The following ACY1 variants were observed in gnomAD, a reference collection of about 807,000 sequenced individuals.
ACY1 encodes aminoacylase 1, also known as aminoacylase-1.
Under a neutral mutation model 53.3 loss-of-function variants are expected in ACY1, and 38 were observed. The ratio of observed to expected loss-of-function variants is 0.71; its 90% CI spans 0.55 to 0.93. The LOEUF is 0.93. ACY1 is among the 40% of genes least tolerant of loss of function. The probability of loss-of-function intolerance (pLI) is 0.00; values close to 1 mark genes in which losing one functional copy is unlikely to be tolerated. For synonymous variants in ACY1, 177 were observed against 202.1 expected, an observed-to-expected ratio of 0.88 and a Z score of 1.05; for missense variants, 484 against 540.9, an observed-to-expected ratio of 0.89 and a Z score of 1.04.
At position 51,987,134 on chromosome 3, in the gene ACY1, C is replaced by T. The variant is rs764054877; in HGVS notation, c.658-13C>T. 10 of 1,614,078 alleles carry T rather than the reference C, an allele frequency of 6.2e-6. No individual in the cohort carries two copies. In the African/African-American group the frequency reaches 1.2e-4, roughly 19 times the overall value. On this transcript the variant is annotated splice_polypyrimidine_tract_variant and intron_variant, in intron 9 of 14. Coordinates refer to ENST00000636358, the MANE Select transcript of ACY1 (RefSeq NM_000666.3). ...CTGAGGCCACTGTCCCATTTAACCT[C>T]ATATTCTCATAGCACAAGGTTGTAA...
In ACY1 at chr3:51,988,970, C is replaced by A. The variant is rs1249587819; in HGVS notation, c.1122C>A (p.Asp374Glu). Residue 374 changes from aspartate to glutamate, a missense_variant, in exon 15 of 15, where the codon GAC (aspartate) becomes GAA (glutamate). Transcript: ENST00000636358. ...PMNRTPVLLH[D>E]HDERLHEAVF... The stretch of plus-strand genomic sequence containing the variant: ...ACCGCACACCTGTGCTGCTGCACGA[C>A]CACGATGAACGGCTGCATGAGGCTG... The A allele has an allele frequency of 6.2e-7, 1 of 1,614,182 alleles. No homozygotes were observed. Among genetic ancestry groups the A allele is most frequent in the Non-Finnish European group, 8.5e-7 (1 of 1,180,032 alleles).
In ACY1 at chr3:51,989,146, C is replaced by G. The variant is rs1701181951; in HGVS notation, c.*71C>G. 6.3e-7 allele frequency: 1 copy of G among 1,587,234 alleles called. No individual in the cohort carries two copies. The highest frequency in any genetic ancestry group is 8.6e-7 in the Non-Finnish European group (1 of 1,165,608). ...CAGTGCCAAGGACCTCCTCTTCCCC[C>G]TTCCAAATAATAAAGTCTATGGACA... is the stretch of plus-strand genomic sequence containing the variant. On this transcript the variant is annotated 3_prime_UTR_variant, in exon 15 of 15. Transcript: ENST00000636358.
In ACY1 at chr3:51,985,964, C is replaced by T; in HGVS notation, c.359+18C>T. The T allele has an allele frequency of 1.2e-6, 2 of 1,601,502 alleles. No individual in the cohort carries two copies. The highest frequency in any genetic ancestry group is 1.1e-5 in the South Asian group (1 of 89,074). On this transcript the variant is annotated intron_variant, in intron 5 of 14. Coordinates refer to ENST00000636358, the MANE Select transcript of ACY1 (RefSeq NM_000666.3). ...AGCATCCAGTGAGTGTCCTCCATTC[C>T]TACTCCTCCACAATGTCCCCACTGG...
At chr3:51,983,957 T>C in intron 1 of ACY1, 90 bp from the exon 2 acceptor site, 1 of 942,148 alleles carries the variant, frequency 1.1e-6, no homozygotes, top group East Asian at 2.4e-5. Context: ...CTGTGGGAAG[T>C]CCGGGAGCCG....
intron 2 of ACY1, 24 bp from the exon 3 acceptor site, chr3:51,985,183 C>T (rs1193250185): frequency 1.3e-6 from 2 of 1,589,258 alleles, no homozygotes; most frequent in Non-Finnish European, 1.7e-6. Context: ...GCAGAAGCAG[C>T]CCCAAGACAC....
intron 9 of ACY1, 34 bp downstream of exon 9, chr3:51,987,095 C>T (rs372884565): frequency 5.6e-6 from 9 of 1,614,076 alleles, no homozygotes; most frequent in Admixed American, 1.7e-5. Flanking sequence ...TCTGGGAGTT[C>T]AGGAGGCTCT....
In ACY1 at chr3:51,987,406, A is replaced by G. The variant is rs201775925; in HGVS notation, c.805A>G (p.Met269Val). The change falls in exon 11 of 15, where the codon ATG becomes GTG. Residue 269 changes from methionine to valine, a missense_variant. Coordinates refer to ENST00000636358, the MANE Select transcript of ACY1 (RefSeq NM_000666.3). ...GGCCTATAACGTGATACCTGCCACC[A>G]TGAGCGCCAGCTTTGACTTCCGTGT... ...GVAYNVIPAT[M>V]SASFDFRVAP... is the part of the protein sequence containing the mutation. 1.6e-4 allele frequency: 258 copies of G among 1,614,070 alleles called. 2 individuals are homozygous for G. The highest frequency in any genetic ancestry group is 9.3e-4 in the Admixed American group (56 of 60,004).
Position 51,988,594 on chromosome 3 carries a change from GC to G in ACY1, c.993del (p.Cys331Ter). The G allele has an allele frequency of 6.2e-7, 1 of 1,614,170 alleles. No individual in the cohort carries two copies. Among genetic ancestry groups the G allele is most frequent in the Non-Finnish European group, 8.5e-7 (1 of 1,180,022 alleles). On this transcript the variant is annotated frameshift_variant, in exon 13 of 15. Transcript: ENST00000636358. LOFTEE classifies it high-confidence loss of function. The part of the protein sequence containing the change: ...NPWWAAFSRV[C>X]KDMNLTLEPE... Reference sequence around the variant, plus strand: ...TGGTGGGCAGCTTTTAGCCGGGTCTGCAAGGATATGTGAGCACGCTGGCCAG... The same window carrying G: ...TGGTGGGCAGCTTTTAGCCGGGTCTGAAGGATATGTGAGCACGCTGGCCAG...
In ACY1 at chr3:51,983,586, T is replaced by C; in HGVS notation, c.-22T>C. Reference sequence around the variant, plus strand: ...GAGCGTGAGCCCAGCGACAGGAGAGTGAGGTGGGGGCCCTGGGGAGGGATA... The same window carrying C: ...GAGCGTGAGCCCAGCGACAGGAGAGCGAGGTGGGGGCCCTGGGGAGGGATA... On this transcript the variant is annotated 5_prime_UTR_variant, in exon 1 of 15. Coordinates refer to ENST00000636358, the MANE Select transcript of ACY1 (RefSeq NM_000666.3). The C allele has an allele frequency of 5.0e-6, 1 of 201,420 alleles. No individual in the cohort carries two copies. Among genetic ancestry groups the C allele is most frequent in the South Asian group, 7.1e-5 (1 of 14,152 alleles). The allele number at this position is 201,420 out of a possible 1,614,324, so 12.5% of individuals were successfully genotyped here. A position where few individuals can be genotyped will look rare whatever the true frequency, so the allele number is the denominator to read the frequency against.
chr3:51,985,835 C>G lies in ACY1; in HGVS notation c.265-17C>G. On this transcript the variant is annotated splice_polypyrimidine_tract_variant and intron_variant, in intron 4 of 14. Transcript: ENST00000636358. ...TAAATTTGGGGTTTGGGCCCCTCTT[C>G]CCATCCCTGCCCCCAGGAACATTGG... 1 of 1,610,078 alleles carries G rather than the reference C, an allele frequency of 6.2e-7. No individual in the cohort carries two copies. The highest frequency in any genetic ancestry group is 8.5e-7 in the Non-Finnish European group (1 of 1,177,592).
At position 51,987,635 on chromosome 3, in the gene ACY1, G is replaced by C. The variant is rs1701122386; in HGVS notation, c.921+11G>C. 3 of 1,613,498 alleles carry C rather than the reference G, an allele frequency of 1.9e-6. No homozygotes were observed. Among genetic ancestry groups the C allele is most frequent in the Non-Finnish European group, 8.5e-7 (1 of 1,179,678 alleles). On this transcript the variant is annotated intron_variant, in intron 12 of 14. Transcript: ENST00000636358. The stretch of plus-strand genomic sequence containing the variant: ...CTAGAGTTTGCTCAGGTATGGACTT[G>C]GGACATGTGATGGGAGAGTGTGGGA...
chr3:51,987,391 G>T lies in ACY1; in HGVS notation c.790G>T (p.Val264Leu). 1 of 1,614,176 alleles carries T rather than the reference G, an allele frequency of 6.2e-7. No individual in the cohort carries two copies. The highest frequency in any genetic ancestry group is 8.5e-7 in the Non-Finnish European group (1 of 1,180,044). Residue 264 changes from valine to leucine, a missense_variant, in exon 11 of 15, where the codon GTG (valine) becomes TTG (leucine). Physicochemically the swap from Val to Leu is conservative, Grantham distance 32. Transcript: ENST00000636358. ...GCTAGAGGGTGGCGTGGCCTATAAC[G>T]TGATACCTGCCACCATGAGCGCCAG... is the stretch of plus-strand genomic sequence containing the variant. ...TKLEGGVAYN[V>L]IPATMSASFD... is the part of the protein sequence containing the mutation.
intron 8 of ACY1, 121 bp from the exon 9 acceptor site, chr3:51,986,867 A>C (rs1393929836): frequency 1.6e-6 from 2 of 1,271,246 alleles, no homozygotes; most frequent in East Asian, 2.5e-5. Flanking sequence ...ACGGGCCCTG[A>C]GTGGGGACAG....
intron 2 of ACY1, 87 bp from the exon 3 acceptor site, chr3:51,985,120 C>A (rs1398172544): frequency 1.2e-5 from 16 of 1,347,474 alleles, no homozygotes; most frequent in Non-Finnish European, 1.7e-5. Context: ...CAGCCCATTT[C>A]TGGGTATGCT....
intron 12 of ACY1, 140 bp from the exon 13 acceptor site, chr3:51,988,384 G>A: frequency 1.3e-6 from 1 of 769,926 alleles, no homozygotes; most frequent in Non-Finnish European, 2.3e-6. Context: ...ACCTGTGGCT[G>A]GACTGGCTAC....
At position 51,985,932 on chromosome 3, in the gene ACY1, G is replaced by T. The variant is rs769123762; in HGVS notation, c.345G>T (p.Lys115Asn). The T allele has an allele frequency of 1.2e-6, 2 of 1,612,056 alleles. No individual in the cohort carries two copies. The highest frequency in any genetic ancestry group is 1.7e-6 in the Non-Finnish European group (2 of 1,179,186). The change falls in exon 5 of 15, where the codon AAG becomes AAT. Residue 115 changes from lysine to asparagine, a missense_variant. Lys to Asn is a moderately conservative substitution (Grantham distance 94). Coordinates refer to ENST00000636358, the MANE Select transcript of ACY1 (RefSeq NM_000666.3). ...ATGCCAGGGGTGCCCAGGACATGAA[G>T]TGCGTCAGCATCCAGTGAGTGTCCT... Reference protein sequence around the residue: ...YIYARGAQDMKCVSIQYLEAV... With the variant: ...YIYARGAQDMNCVSIQYLEAV...
In ACY1 at chr3:51,985,933, T is replaced by C; in HGVS notation, c.346T>C (p.Cys116Arg). Residue 116 changes from cysteine to arginine, a missense_variant, in exon 5 of 15, where the codon TGC becomes CGC. Physicochemically the swap from Cys to Arg is radical, Grantham distance 180. Transcript: ENST00000636358. ...TGCCAGGGGTGCCCAGGACATGAAG[T>C]GCGTCAGCATCCAGTGAGTGTCCTC... ...IYARGAQDMK[C>R]VSIQYLEAVR... 1 of 1,611,974 alleles carries C rather than the reference T, an allele frequency of 6.2e-7. No homozygotes were observed. Among genetic ancestry groups the C allele is most frequent in the Non-Finnish European group, 8.5e-7 (1 of 1,179,078 alleles).
chr3:51,987,022 T>C lies in ACY1; in HGVS notation c.618T>C (p.His206=). 6.2e-7 allele frequency: 1 copy of C among 1,613,240 alleles called. No homozygotes were observed. Among genetic ancestry groups the C allele is most frequent in the Non-Finnish European group, 8.5e-7 (1 of 1,180,010 alleles). Reference sequence around the variant, plus strand: ...TTACCAGCACTGGGAGGCCAGGCCATGCCTCACGCTTCATGGAGGACACAG... The same window carrying C: ...TTACCAGCACTGGGAGGCCAGGCCACGCCTCACGCTTCATGGAGGACACAG... ...VRVTSTGRPG[H]ASRFMEDTAA... The change falls in exon 9 of 15, where the codon CAT becomes CAC. Residue 206 remains histidine (H), a synonymous_variant. Coordinates refer to ENST00000636358, the MANE Select transcript of ACY1 (RefSeq NM_000666.3).
At chr3:51,987,836 T>C (rs1024586873) in intron 12 of ACY1, 4 of 581,590 alleles carry the variant, frequency 6.9e-6, no homozygotes, top group Non-Finnish European at 1.2e-5. Flanking sequence ...TTCATGCCCT[T>C]GTATGGTGAA....
Sources: allele counts gnomAD v4.1 joint callset, GRCh38; gene constraint gnomAD v4.1.1; transcripts MANE v1.5; gene names NCBI Gene and HGNC (gene_info 2026-07-23, HGNC 2026-07-21).